Variants in RAP1A observed in about 807,000 individuals in gnomAD.
RAP1A encodes ras-related protein Rap-1A.
Under a neutral mutation model 26.4 loss-of-function variants are expected in RAP1A, and 6 were observed. The observed-to-expected ratio is 0.23, with a 90% CI of 0.12 to 0.45. The LOEUF is 0.45. RAP1A is among the 20% of genes least tolerant of loss of function. RAP1A has a pLI of 0.99. For missense variants in RAP1A, 121 were observed against 217.2 expected, an observed-to-expected ratio of 0.56 and a Z score of 2.78; for synonymous variants, 73 against 79.4, an observed-to-expected ratio of 0.92 and a Z score of 0.43.
intron 4 of RAP1A, among the ~76,000 whole-genome samples, chr1:111,699,168 A>G (rs568874915): frequency 2.0e-5 from 3 of 152,192 alleles, no homozygotes; most frequent in African/African-American, 7.2e-5. Flanking sequence ...TCTTGTCTCA[A>G]AATCACTCCT....
intron 1 of RAP1A, among the ~76,000 whole-genome samples, chr1:111,561,902 C>T (rs1657755595): frequency 6.6e-6 from 1 of 152,124 alleles, no homozygotes; most frequent in Admixed American, 6.6e-5. Context: ...AACACTCCTC[C>T]CCATCTCCTC....
At chr1:111,600,945 G>A (rs1238730202) in intron 1 of RAP1A, among the ~76,000 whole-genome samples, 2 of 152,222 alleles carry the variant, frequency 1.3e-5, no homozygotes, top group African/African-American at 4.8e-5. Context: ...TGAGCGGAGT[G>A]AGTAATTTTG....
At chr1:111,654,611 T>G (rs1660390920) in intron 1 of RAP1A, among the ~76,000 whole-genome samples, 1 of 152,056 alleles carries the variant, frequency 6.6e-6, no homozygotes, top group African/African-American at 2.4e-5. Flanking sequence ...ATAAATTGAC[T>G]AAAAGTAAAA....
chr1:111,598,919 G>T (rs960881827), intron 1 of RAP1A, among the ~76,000 whole-genome samples: 6 of 152,148 alleles, frequency 3.9e-5, no homozygotes, highest in African/African-American at 1.4e-4. Context: ...GGATTCCTAC[G>T]ATCCTCTCTT....
chr1:111,633,863 C>T (rs537423644), intron 1 of RAP1A, among the ~76,000 whole-genome samples: 2 of 152,210 alleles, frequency 1.3e-5, no homozygotes, highest in Admixed American at 6.5e-5. Flanking sequence ...AGGCTTCAGA[C>T]GTGGACTGCT....
chr1:111,616,128 A>G (rs1200071960), upstream of RAP1A, among the ~76,000 whole-genome samples: 1 of 152,228 alleles, frequency 6.6e-6, no homozygotes, highest in Admixed American at 6.5e-5. Flanking sequence ...AAAGGTGTTT[A>G]GTTTCTGTCA....
chr1:111,677,859 A>G (rs1379130968), intron 1 of RAP1A, among the ~76,000 whole-genome samples: 1 of 152,236 alleles, frequency 6.6e-6, no homozygotes, highest in African/African-American at 2.4e-5. Flanking sequence ...ATGAGAGGGA[A>G]CGATACAAGG....
chr1:111,673,686 A>G (rs947779224), intron 1 of RAP1A, among the ~76,000 whole-genome samples: 3 of 152,218 alleles, frequency 2.0e-5, no homozygotes, highest in Non-Finnish European at 4.4e-5. Context: ...TCGGGAGTGC[A>G]GGGCACAAGA....
At chr1:111,591,272 G>A (rs903528702) in intron 1 of RAP1A, among the ~76,000 whole-genome samples, 1 of 151,970 alleles carries the variant, frequency 6.6e-6, no homozygotes, top group African/African-American at 2.4e-5. Context: ...TCTTTTCAAA[G>A]AACCAGCTTT....
At chr1:111,654,342 A>C (rs981848804) in intron 1 of RAP1A, among the ~76,000 whole-genome samples, 2 of 152,118 alleles carry the variant, frequency 1.3e-5, no homozygotes, top group Non-Finnish European at 1.5e-5. Flanking sequence ...TCACACTTTC[A>C]TGTATACTGT....
intron 1 of RAP1A, among the ~76,000 whole-genome samples, chr1:111,646,605 A>G (rs943863315): frequency 8.6e-5 from 13 of 151,878 alleles, no homozygotes; most frequent in African/African-American, 3.1e-4. Context: ...CAGTGGTGCA[A>G]TCTCGGCTCA....
At chr1:111,554,816 C>G (rs1227178578) in intron 1 of RAP1A, among the ~76,000 whole-genome samples, 3 of 152,104 alleles carry the variant, frequency 2.0e-5, no homozygotes, top group Non-Finnish European at 2.9e-5. Flanking sequence ...AACACAAATT[C>G]TCTCTACTCA....
At position 111,704,426 on chromosome 1, in the gene RAP1A, A is replaced by G. The variant is rs1662122442; in HGVS notation, c.408A>G (p.Arg136=). 6.2e-7 allele frequency: 1 copy of G among 1,613,996 alleles called. No homozygotes were observed. The highest frequency in any genetic ancestry group is 1.1e-5 in the South Asian group (1 of 91,086). The change falls in exon 6 of 8, where the codon AGA becomes AGG. Residue 136 remains arginine (R), a synonymous_variant. Transcript: ENST00000369709. ...AAGAGCAGGGCCAGAATTTAGCAAG[A>G]CAGTGGTGTAACTGTGCCTTTTTAG... The part of the protein sequence containing the change: ...VGKEQGQNLA[R]QWCNCAFLES...
chr1:111,705,308 A>T (rs1662154115), intron 6 of RAP1A, among the ~76,000 whole-genome samples: 1 of 152,198 alleles, frequency 6.6e-6, no homozygotes, highest in Non-Finnish European at 1.5e-5. Context: ...ATCAGTCAGA[A>T]TTCAGATCAC....
Position 111,708,756 on chromosome 1 carries a change from A to AGT in RAP1A, c.469-381_469-380dup, listed in dbSNP as rs1053891244. 5.9e-5 allele frequency among the ~76,000 whole-genome samples: 9 copies of AGT among 152,168 alleles called. No homozygotes were observed. In the South Asian group the frequency reaches 6.2e-4, roughly 11 times the overall value. ...AGGTCTACTCTCAGATGATTCAGAA[A>AGT]GTGTGTGTGTGTGCACGTGTGTGTG... On this transcript the variant is annotated intron_variant, in intron 6 of 7. Transcript: ENST00000369709.
At chr1:111,706,965 G>A (rs1438230356) in intron 6 of RAP1A, among the ~76,000 whole-genome samples, 2 of 152,150 alleles carry the variant, frequency 1.3e-5, no homozygotes, top group African/African-American at 4.8e-5. Flanking sequence ...TATGCATTGA[G>A]TATAGGGAAC....
chr1:111,677,518 T>C (rs530367639), intron 1 of RAP1A, among the ~76,000 whole-genome samples: 11 of 152,336 alleles, frequency 7.2e-5, no homozygotes, highest in African/African-American at 2.6e-4. Context: ...TTCTAGCTCA[T>C]GATATCTCAC....
chr1:111,703,377 C>G lies in RAP1A; in HGVS notation c.225C>G (p.Gly75=). ...TAMRDLYMKN[G]QGFALVYSIT... ...TGAGGGATTTGTATATGAAGAACGG[C>G]CAAGGTTTTGCACTAGTATATTCTA... Residue 75 remains glycine, a synonymous_variant, in exon 5 of 8, where the codon GGC becomes GGG. Transcript: ENST00000369709. 2.5e-6 allele frequency: 4 copies of G among 1,597,546 alleles called. No individual in the cohort carries two copies. The highest frequency in any genetic ancestry group is 3.4e-6 in the Non-Finnish European group (4 of 1,169,858).
chr1:111,592,541 C>T (rs763286310), intron 1 of RAP1A, among the ~76,000 whole-genome samples: 1 of 152,226 alleles, frequency 6.6e-6, no homozygotes, highest in African/African-American at 2.4e-5. Flanking sequence ...TAACTGCACC[C>T]TTCCACCTTG....
Sources: allele counts gnomAD v4.1 joint callset (sites outside exome capture counted in the v4.1 genomes callset), GRCh38; gene constraint gnomAD v4.1.1; transcripts MANE v1.5; gene names NCBI Gene and HGNC (gene_info 2026-07-23, HGNC 2026-07-21).